The following MAGI2 variants were observed in gnomAD, a reference collection of about 807,000 sequenced individuals.
MAGI2 encodes membrane-associated guanylate kinase, WW and PDZ domain-containing protein 2.
In MAGI2, 35 loss-of-function variants were observed where a neutral mutation model predicts 133.3. That is an observed-to-expected ratio of 0.26 (90% CI 0.20 to 0.35). The LOEUF (loss-of-function observed/expected upper bound fraction) is 0.35. MAGI2 is among the 10% of genes least tolerant of loss of function. The pLI is 1.00. For synonymous variants in MAGI2, 729 were observed against 710.6 expected (o/e 1.03, Z -0.41); for missense variants, 1,636 against 1,863.4 (o/e 0.88, Z 2.25).
At chr7:78,668,292 A>G (rs1813885266) in intron 2 of MAGI2, among the ~76,000 whole-genome samples, 1 of 151,610 alleles carries the variant, frequency 6.6e-6, no homozygotes, top group Non-Finnish European at 1.5e-5. Flanking sequence ...TCTGGATATT[A>G]GCCCTCTGTC....
intron 1 of MAGI2, among the ~76,000 whole-genome samples, chr7:79,032,362 T>TA (rs1460974754): frequency 1.3e-5 from 2 of 151,522 alleles, no homozygotes; most frequent in African/African-American, 2.4e-5. Context: ...ACTAAAAATA[T>TA]AAAAAATTAG....
At chr7:78,301,305 A>T (rs1427490092) in intron 9 of MAGI2, among the ~76,000 whole-genome samples, 5 of 152,226 alleles carry the variant, frequency 3.3e-5, no homozygotes. Context: ...TTCAAGAAAG[A>T]TCAGTAAATT....
intron 2 of MAGI2, among the ~76,000 whole-genome samples, chr7:78,804,748 C>CAAAAAAAAAA (rs373472835): frequency 1.0e-5 from 1 of 97,736 alleles, no homozygotes; most frequent in African/African-American, 4.7e-5. Context: ...GACTCTGTCT[C>CAAAAAAAAAA]AAAAAAAAAA....
chr7:78,525,432 T>C (rs1023249997), intron 3 of MAGI2, among the ~76,000 whole-genome samples: 2 of 152,104 alleles, frequency 1.3e-5, no homozygotes, highest in African/African-American at 4.8e-5. Flanking sequence ...TGAATATAAG[T>C]GTATACAAAT....
intron 5 of MAGI2, 100 bp downstream of exon 5, chr7:78,501,477 T>C (rs569585420): frequency 9.5e-7 from 1 of 1,053,772 alleles, no homozygotes; most frequent in Non-Finnish European, 1.4e-6. Flanking sequence ...GAATTTCATG[T>C]TTTTTTCTTT....
chr7:78,949,847 C>T (rs756246362), intron 2 of MAGI2, among the ~76,000 whole-genome samples: 12 of 152,178 alleles, frequency 7.9e-5, no homozygotes, highest in Non-Finnish European at 1.3e-4. Flanking sequence ...CTGTTTCACT[C>T]GGAAATCCAT....
At chr7:78,407,843 T>G (rs1297447732) in intron 6 of MAGI2, among the ~76,000 whole-genome samples, 1 of 151,022 alleles carries the variant, frequency 6.6e-6, no homozygotes, top group Non-Finnish European at 1.5e-5. Flanking sequence ...TCACAGGAGC[T>G]TCAGGGCTGG....
intron 3 of MAGI2, among the ~76,000 whole-genome samples, chr7:78,524,611 C>T (rs1393694850): frequency 2.0e-5 from 3 of 152,128 alleles, no homozygotes; most frequent in African/African-American, 4.8e-5. Flanking sequence ...AATATATACA[C>T]GTTGCTAAAT....
chr7:79,395,310 T>C (rs781282065), intron 1 of MAGI2, among the ~76,000 whole-genome samples: 1 of 152,206 alleles, frequency 6.6e-6, no homozygotes, highest in Non-Finnish European at 1.5e-5. Flanking sequence ...TGAGAAATGA[T>C]ATAATCAAAG....
At chr7:79,048,388 C>T (rs1240230898) in intron 1 of MAGI2, among the ~76,000 whole-genome samples, 1 of 152,074 alleles carries the variant, frequency 6.6e-6, no homozygotes, top group Non-Finnish European at 1.5e-5. Context: ...CGATGTTCTC[C>T]AATTGAATGT....
At chr7:78,146,380 G>A (rs1162262449) in intron 16 of MAGI2, among the ~76,000 whole-genome samples, 1 of 151,916 alleles carries the variant, frequency 6.6e-6, no homozygotes, top group African/African-American at 2.4e-5. Flanking sequence ...CTATCAATTA[G>A]AAATTAGAAA....
chr7:78,701,525 C>G lies in MAGI2; in HGVS notation c.419-74286G>C, dbSNP rs537495525. On this transcript the variant is annotated intron_variant, in intron 2 of 21. Transcript: ENST00000354212. ...GGGATACATAATTCATGTTTGGAAT[C>G]TTACGTAGGGTGTAGGAACACTAAG... 1.7e-4 allele frequency among the ~76,000 whole-genome samples: 26 copies of G among 151,992 alleles called. No homozygotes were observed. The South Asian group carries it at 3.1e-3, about 18-fold the overall frequency.
intron 7 of MAGI2, among the ~76,000 whole-genome samples, chr7:78,362,381 A>G (rs1284886154): frequency 6.6e-6 from 1 of 152,198 alleles, no homozygotes; most frequent in Non-Finnish European, 1.5e-5. Context: ...AAGTATTGGG[A>G]AAGAAATCAA....
intron 1 of MAGI2, among the ~76,000 whole-genome samples, chr7:79,408,490 A>C (rs1028414986): frequency 6.6e-6 from 1 of 152,108 alleles, no homozygotes; most frequent in South Asian, 2.1e-4. Flanking sequence ...CAAAAGAAAA[A>C]AAAGAGAAGC....
At chr7:78,933,532 A>G (rs543256129) in intron 2 of MAGI2, among the ~76,000 whole-genome samples, 1 of 152,288 alleles carries the variant, frequency 6.6e-6, no homozygotes, top group East Asian at 1.9e-4. Flanking sequence ...ATACCTTTAG[A>G]ATTCATCATA....
intron 2 of MAGI2, among the ~76,000 whole-genome samples, chr7:78,948,060 T>C (rs1801570752): frequency 6.6e-6 from 1 of 152,060 alleles, no homozygotes. Flanking sequence ...TTCTAGCTTA[T>C]ATTTCACTGA....
chr7:79,300,941 A>T (rs34983504), intron 1 of MAGI2, among the ~76,000 whole-genome samples: 84,164 of 152,202 alleles, frequency 0.55, 25,851 homozygotes, highest in Non-Finnish European at 0.68. Flanking sequence ...CTGCAGCTCC[A>T]GAGGGTGCAA....
At chr7:79,145,713 C>A (rs1004067698) in intron 1 of MAGI2, among the ~76,000 whole-genome samples, 1 of 152,208 alleles carries the variant, frequency 6.6e-6, no homozygotes, top group African/African-American at 2.4e-5. Context: ...GAACTGAAAT[C>A]TCCAGGGATT....
chr7:78,823,541 C>T (rs1195706682), intron 2 of MAGI2, among the ~76,000 whole-genome samples: 1 of 147,084 alleles, frequency 6.8e-6, no homozygotes, highest in Non-Finnish European at 1.5e-5. Flanking sequence ...CCGGATCGCG[C>T]CACTGCACTC....
Sources: allele counts gnomAD v4.1 joint callset (sites outside exome capture counted in the v4.1 genomes callset), GRCh38; gene constraint gnomAD v4.1.1; transcripts MANE v1.5; gene names NCBI Gene and HGNC (gene_info 2026-07-23, HGNC 2026-07-21).